The following ADGRB2 variants were observed in gnomAD, a reference collection of about 807,000 sequenced individuals.
ADGRB2 encodes brain-specific angiogenesis inhibitor 2.
Under a neutral mutation model 178.7 loss-of-function variants are expected in ADGRB2, and 47 were observed. That is an observed-to-expected ratio of 0.26 (90% CI 0.21 to 0.34). The LOEUF (loss-of-function observed/expected upper bound fraction) is 0.34. Among genes scored for constraint, ADGRB2 ranks in the 10% least tolerant of loss-of-function variants. The pLI is 1.00. For synonymous variants in ADGRB2, 870 were observed against 912.4 expected (o/e 0.95, Z 0.84); for missense variants, 1,584 against 2,180.8 (o/e 0.73, Z 5.45).
rs1177552167 is a variant in ADGRB2, at chr1:31,764,107, TGCCGCCGCCGCC to T, written c.-426_-415del. On this transcript the variant is annotated 5_prime_UTR_variant, in exon 1 of 33. Transcript: ENST00000373658. The surrounding 1 kb of genome is among the most constrained non-coding windows in gnomAD (Gnocchi z 7.3). ...CGGCGCCGGGCCGGGCGCGGGCTCCTGCCGCCGCCGCCGCCGCCGCCTCCTTGCCGCGCCGCC... is the reference window on the plus strand; with the variant it reads ...CGGCGCCGGGCCGGGCGCGGGCTCCTGCCGCCGCCTCCTTGCCGCGCCGCC... The T allele has an allele frequency of 6.4e-6, 6 of 934,112 alleles. No individual in the cohort carries two copies. The South Asian group carries it at 1.4e-4, about 22-fold the overall frequency. The allele number at this position is 934,112 out of a possible 1,614,324, so 57.9% of individuals were successfully genotyped here.
rs552829996 is a variant in ADGRB2 at position 31,728,733 on chromosome 1, G to A, written c.4381-100C>T. 2.3e-5 allele frequency: 33 copies of A among 1,442,240 alleles called. No homozygotes were observed. Among genetic ancestry groups the A allele is most frequent in the Admixed American group, 5.2e-5 (3 of 57,538 alleles). 89.3% of individuals were successfully genotyped at this position (1,442,240 alleles called of 1,614,324 possible). ...AGCCTGGCATCCCAGGGGTCTGCCC[G>A]CTGCACCTTCCCCCCAACCCAGGCC... On this transcript the variant is annotated intron_variant, in intron 29 of 32. Coordinates refer to ENST00000373658, the MANE Select transcript of ADGRB2 (RefSeq NM_001364857.2). This position sits in a 1 kb window ranked among gnomAD's most constrained non-coding sequence, Gnocchi z 6.7.
At position 31,741,415 on chromosome 1, in the gene ADGRB2, A is replaced by G; in HGVS notation, c.1752T>C (p.Phe584=). 6.2e-7 allele frequency: 1 copy of G among 1,607,462 alleles called. No homozygotes were observed. ...QGVAYWGLPS[F]ARCISHEYRY... ...GGTACTCATGGGAGATGCAGCGAGC[A>G]AAGCTGGGCAGCCCCCAGTACGCCA... is the stretch of plus-strand genomic sequence containing the variant. The change falls in exon 11 of 33, where the codon TTT becomes TTC. Residue 584 remains phenylalanine, a synonymous_variant. Coordinates refer to ENST00000373658, the MANE Select transcript of ADGRB2 (RefSeq NM_001364857.2). The surrounding 1 kb of genome is among the most constrained non-coding windows in gnomAD (Gnocchi z 6.5).
At chr1:31,738,447 G>A in intron 17 of ADGRB2, 121 bp from the exon 18 acceptor site, 1 of 1,536,622 alleles carries the variant, frequency 6.5e-7, no homozygotes. Context: ...GGCAACAGCA[G>A]GGAGTCCCAG....
Position 31,737,456 on chromosome 1 carries a change from G to C in ADGRB2, c.2952C>G (p.Leu984=). 1 of 1,614,130 alleles carries C rather than the reference G, an allele frequency of 6.2e-7. No individual in the cohort carries two copies. The highest frequency in any genetic ancestry group is 8.5e-7 in the Non-Finnish European group (1 of 1,180,022). ...LSILASNILI[L]VGQSRVLSKG... ...TGCTCAGCACCCGGGACTGGCCCACGAGGATCAGGATGTTGGATGCCAAGA... is the reference window on the plus strand; with the variant it reads ...TGCTCAGCACCCGGGACTGGCCCACCAGGATCAGGATGTTGGATGCCAAGA... Residue 984 remains leucine, a synonymous_variant, in exon 20 of 33, where the codon CTC becomes CTG. Transcript: ENST00000373658.
rs1447252239 is a variant in ADGRB2, at chr1:31,740,893, G to GCACACA, written c.1795-353_1795-352insTGTGTG. 6.8e-3 allele frequency among the ~76,000 whole-genome samples: 231 copies of GCACACA among 33,744 alleles called. No homozygotes were observed. The highest frequency in any genetic ancestry group is 0.026 in the Middle Eastern group (1 of 38). The allele number at this position is 33,744 out of a possible 152,430, so 22.1% of individuals were successfully genotyped here. On this transcript the variant is annotated intron_variant, in intron 11 of 32. Transcript: ENST00000373658. The surrounding 1 kb of genome is among the most constrained non-coding windows in gnomAD (Gnocchi z 5.9). ...GTAATGAGCATGTGTGTGGGCGCGC[G>GCACACA]CGCACACACACACACACACACACAC...
In ADGRB2 at chr1:31,739,972, A is replaced by G; in HGVS notation, c.2121T>C (p.Asp707=). The G allele has an allele frequency of 6.2e-7, 1 of 1,614,176 alleles. No individual in the cohort carries two copies. Among genetic ancestry groups the G allele is most frequent in the Non-Finnish European group, 8.5e-7 (1 of 1,180,026 alleles). ...GAGAGCTCTGGAAGGCCTTGAGAGCATCGCCCACCAGGTGAATGAAGTCCT... is the reference window on the plus strand; with the variant it reads ...GAGAGCTCTGGAAGGCCTTGAGAGCGTCGCCCACCAGGTGAATGAAGTCCT... ...VVEDFIHLVG[D]ALKAFQSSLI... is the part of the protein sequence containing the mutation. Residue 707 remains aspartate, a synonymous_variant, in exon 14 of 33, where the codon GAT becomes GAC. Coordinates refer to ENST00000373658, the MANE Select transcript of ADGRB2 (RefSeq NM_001364857.2).
rs1645506474 is a variant in ADGRB2, at chr1:31,735,117, G to A, written c.3452+66C>T. 2.3e-6 allele frequency: 2 copies of A among 881,684 alleles called. No individual in the cohort carries two copies. The highest frequency in any genetic ancestry group is 3.4e-5 in the African/African-American group (2 of 58,156). The allele number at this position is 881,684 out of a possible 1,614,324, so 54.6% of individuals were successfully genotyped here. On this transcript the variant is annotated intron_variant, in intron 25 of 32. Transcript: ENST00000373658. This position sits in a 1 kb window ranked among gnomAD's most constrained non-coding sequence, Gnocchi z 6.0. ...ATATCCCTCCTCCTCCCCCCACCATGGGCACTGCCCCCCCCAATTCCTTTG... is the reference window on the plus strand; with the variant it reads ...ATATCCCTCCTCCTCCCCCCACCATAGGCACTGCCCCCCCCAATTCCTTTG...
intron 21 of ADGRB2, 84 bp from the exon 22 acceptor site, chr1:31,736,474 C>T: frequency 3.1e-6 from 5 of 1,602,214 alleles, no homozygotes; most frequent in Non-Finnish European, 4.3e-6. Flanking sequence ...CCAGCTGACC[C>T]CTGTGCCCAG....
rs886744866 is a variant in ADGRB2 at position 31,754,482 on chromosome 1, G to A, written c.838+1517C>T. ...TCCTGATATACGCCTGGCGTTCTCCGCCGATGTTCAACAAAGAAGCAAAAT... is the reference window on the plus strand; with the variant it reads ...TCCTGATATACGCCTGGCGTTCTCCACCGATGTTCAACAAAGAAGCAAAAT... On this transcript the variant is annotated intron_variant, in intron 4 of 32. Transcript: ENST00000373658. This position sits in a 1 kb window ranked among gnomAD's most constrained non-coding sequence, Gnocchi z 5.7. Among the ~76,000 whole-genome samples, 1 of 152,252 alleles carries A rather than the reference G, an allele frequency of 6.6e-6. No homozygotes were observed. Among genetic ancestry groups the A allele is most frequent in the African/African-American group, 2.4e-5 (1 of 41,468 alleles).
Position 31,728,553 on chromosome 1 carries a change from ACCACAGCCAGATGTC to A in ADGRB2, c.4416+30_4416+44del, listed in dbSNP as rs756817998. ...AGGAGTGAGCCCTCCAGGGACAGAC[ACCACAGCCAGATGTC>A]CCACCGCCCAGCACACACATGGCCC... On this transcript the variant is annotated intron_variant, in intron 30 of 32. Coordinates refer to ENST00000373658, the MANE Select transcript of ADGRB2 (RefSeq NM_001364857.2). This position sits in a 1 kb window ranked among gnomAD's most constrained non-coding sequence, Gnocchi z 6.7. The A allele has an allele frequency of 2.5e-6, 4 of 1,612,978 alleles. No homozygotes were observed. In the African/African-American group the frequency reaches 5.3e-5, roughly 22 times the overall value.
chr1:31,737,443 G>A lies in ADGRB2; in HGVS notation c.2965C>T (p.Arg989Trp), dbSNP rs188439503. The A allele has an allele frequency of 1.2e-5, 20 of 1,613,912 alleles. No individual in the cohort carries two copies. The highest frequency in any genetic ancestry group is 6.7e-5 in the East Asian group (3 of 44,892). Residue 989 changes from arginine (R) to tryptophan (W), a missense_variant, in exon 20 of 33, where the codon CGG (arginine) becomes TGG (tryptophan). Arg to Trp is a moderately radical substitution (Grantham distance 101). Coordinates refer to ENST00000373658, the MANE Select transcript of ADGRB2 (RefSeq NM_001364857.2). The stretch of plus-strand genomic sequence containing the variant: ...TCTGCACCTGCCTTGCTCAGCACCC[G>A]GGACTGGCCCACGAGGATCAGGATG... ...SNILILVGQSRVLSKGVCTMT... is the reference protein window; with the variant it reads ...SNILILVGQSWVLSKGVCTMT...
chr1:31,738,190 T>A lies in ADGRB2; in HGVS notation c.2772+10A>T. 1 of 1,614,010 alleles carries A rather than the reference T, an allele frequency of 6.2e-7. No homozygotes were observed. Among genetic ancestry groups the A allele is most frequent in the Non-Finnish European group, 8.5e-7 (1 of 1,179,950 alleles). On this transcript the variant is annotated intron_variant, in intron 18 of 32. Coordinates refer to ENST00000373658, the MANE Select transcript of ADGRB2 (RefSeq NM_001364857.2). ...CCCTTATTCAGCCCAGGCACCTCTG[T>A]TCCACTCACCAGGTCCTTGGGCGGC...
rs532432828 is a variant in ADGRB2, at chr1:31,741,307, C to T, written c.1794+66G>A. Reference sequence around the variant, plus strand: ...CGTGGGAACGAGCGAGAATCACGCTCCCTCCACCCCCTAGCAGAGTCTGAG... The same window carrying T: ...CGTGGGAACGAGCGAGAATCACGCTTCCTCCACCCCCTAGCAGAGTCTGAG... On this transcript the variant is annotated intron_variant, in intron 11 of 32. Transcript: ENST00000373658. The surrounding 1 kb of genome is among the most constrained non-coding windows in gnomAD (Gnocchi z 6.5). 17 of 1,477,318 alleles carry T rather than the reference C, an allele frequency of 1.2e-5. No individual in the cohort carries two copies. The African/African-American group carries it at 2.4e-4, about 21-fold the overall frequency. 91.5% of individuals were successfully genotyped at this position (1,477,318 alleles called of 1,614,324 possible). A position where few individuals can be genotyped will look rare whatever the true frequency, so the allele number is the denominator to read the frequency against.
rs1032796588 is a variant in ADGRB2 at position 31,754,819 on chromosome 1, G to T, written c.838+1180C>A. On this transcript the variant is annotated intron_variant, in intron 4 of 32. Coordinates refer to ENST00000373658, the MANE Select transcript of ADGRB2 (RefSeq NM_001364857.2). This position sits in a 1 kb window ranked among gnomAD's most constrained non-coding sequence, Gnocchi z 5.7. ...AACCACTGCCCACCAAAAATAAAGG[G>T]ATCAACTCAAGGTAACAGTCAAAGG... Among the ~76,000 whole-genome samples, 2 of 152,200 alleles carry T rather than the reference G, an allele frequency of 1.3e-5. No individual in the cohort carries two copies. Among genetic ancestry groups the T allele is most frequent in the African/African-American group, 4.8e-5 (2 of 41,442 alleles).
At chr1:31,762,979 G>C (rs1231175495) in intron 1 of ADGRB2, among the ~76,000 whole-genome samples, 1 of 152,204 alleles carries the variant, frequency 6.6e-6, no homozygotes, top group Admixed American at 6.5e-5. Flanking sequence ...CTGTGCCCTC[G>C]GACCAAGCTG....
chr1:31,733,332 C>T lies in ADGRB2; in HGVS notation c.3453-189G>A, dbSNP rs1352993830. On this transcript the variant is annotated intron_variant, in intron 25 of 32. Coordinates refer to ENST00000373658, the MANE Select transcript of ADGRB2 (RefSeq NM_001364857.2). This position sits in a 1 kb window ranked among gnomAD's most constrained non-coding sequence, Gnocchi z 4.3. ...AGAGCCAGAGAAACAGAACAGAGAC[C>T]GAAAGCAGCGAACTACGGGGTCAGA... Among the ~76,000 whole-genome samples, 4 of 152,080 alleles carry T rather than the reference C, an allele frequency of 2.6e-5. No individual in the cohort carries two copies. The highest frequency in any genetic ancestry group is 4.8e-5 in the African/African-American group (2 of 41,396).
Position 31,759,587 on chromosome 1 carries a change from C to G in ADGRB2, c.-190-2076G>C, listed in dbSNP as rs1056769197. 7.2e-5 allele frequency among the ~76,000 whole-genome samples: 11 copies of G among 152,246 alleles called. No individual in the cohort carries two copies. The highest frequency in any genetic ancestry group is 1.5e-4 in the Non-Finnish European group (10 of 68,044). On this transcript the variant is annotated intron_variant, in intron 1 of 32. Transcript: ENST00000373658. The surrounding 1 kb of genome is among the most constrained non-coding windows in gnomAD (Gnocchi z 4.3). ...TCAGTCTCCTTCAGACACCTTCACG[C>G]TCATTCTGGGATTTCGTCCTGGACA...
Position 31,727,970 on chromosome 1 carries a change from G to T in ADGRB2, c.4572+55C>A. ...TTGCCTGGGAGGGGCAGGAGGGCAG[G>T]GAGGGCACGGGTCCCTCAGGCCCAC... On this transcript the variant is annotated intron_variant, in intron 32 of 32. Coordinates refer to ENST00000373658, the MANE Select transcript of ADGRB2 (RefSeq NM_001364857.2). The surrounding 1 kb of genome is among the most constrained non-coding windows in gnomAD (Gnocchi z 4.4). 6.6e-7 allele frequency: 1 copy of T among 1,510,230 alleles called. No individual in the cohort carries two copies. The highest frequency in any genetic ancestry group is 8.9e-7 in the Non-Finnish European group (1 of 1,129,892). The allele number at this position is 1,510,230 out of a possible 1,614,324, so 93.6% of individuals were successfully genotyped here.
chr1:31,757,125 T>A, intron 3 of ADGRB2, 76 bp downstream of exon 3: 1 of 1,608,154 alleles, frequency 6.2e-7, no homozygotes, highest in Admixed American at 1.7e-5. Context: ...GTTGTTGCCA[T>A]CGTTCTGTTT....
Sources: gnomAD v4.1 joint callset for allele counts (sites outside exome capture counted in the v4.1 genomes callset) on GRCh38, gnomAD v4.1.1 for gene constraint, Gnocchi (gnomAD v3.1) non-coding constraint, MANE v1.5 for transcripts, NCBI Gene and HGNC (gene_info 2026-07-23, HGNC 2026-07-21) for gene names.